DOCK11: variants seen among roughly 807,000 people sequenced by gnomAD.
DOCK11 encodes the protein dedicator of cytokinesis protein 11.
Under a neutral mutation model 169.1 loss-of-function variants are expected in DOCK11, and 70 were observed. The ratio of observed to expected loss-of-function variants is 0.41; its 90% CI spans 0.34 to 0.51. The LOEUF (loss-of-function observed/expected upper bound fraction) is 0.51, where lower values mean the gene tolerates loss of function less well. Ranked by LOEUF, DOCK11 falls within the 20% of genes least tolerant of loss-of-function variation. DOCK11 has a pLI of 0.10. For synonymous variants in DOCK11, 529 were observed against 541.3 expected (o/e 0.98, Z 0.32); for missense variants, 1,166 against 1,538.8 (o/e 0.76, Z 4.05).
intron 34 of DOCK11, 26 bp downstream of exon 34, chrX:118,628,298 C>A: frequency 9.6e-7 from 1 of 1,045,424 alleles, no homozygotes; most frequent in Non-Finnish European, 1.3e-6. Context: ...TATAGGATGA[C>A]CCTAGTGACA....
intron 6 of DOCK11, among the ~76,000 whole-genome samples, chrX:118,559,307 G>C (rs2012827085): frequency 8.9e-6 from 1 of 111,809 alleles, no homozygotes; most frequent in Admixed American, 9.6e-5. Flanking sequence ...TCTCTTTGTT[G>C]CTGGCTGTTG....
At position 118,598,083 on chromosome X, in the gene DOCK11, T is replaced by C; in HGVS notation, c.2439T>C (p.Ile813=). ...WVDGAKPLLK[I]KSHLESTIYT... ...ATGGTGCAAAGCCTTTGTTGAAGAT[T>C]AAAAGCCACTTAGAATCTACCATTT... is the stretch of plus-strand genomic sequence containing the variant. The change falls in exon 22 of 53, where the codon ATT becomes ATC. Residue 813 remains isoleucine, a synonymous_variant. Transcript: ENST00000276202. 1 of 1,197,610 alleles carries C rather than the reference T, an allele frequency of 8.3e-7. No individual in the cohort carries two copies. The highest frequency in any genetic ancestry group is 1.1e-6 in the Non-Finnish European group (1 of 885,889).
At chrX:118,680,385 AAAG>A (rs1179145806) in intron 48 of DOCK11, 94 bp from the exon 49 acceptor site, 2 of 455,872 alleles carry the variant, frequency 4.4e-6, no homozygotes, top group Non-Finnish European at 6.4e-6. Context: ...ACTTGGTCTC[AAAG>A]AAGTTAGTAG....
chrX:118,625,436 G>A lies in DOCK11; in HGVS notation c.3588+781G>A, dbSNP rs183602498. ...CCCCCAAAGTGCTAGGATTACAGGC[G>A]TGAGGCACCACACCTAGCCAACAGA... On this transcript the variant is annotated intron_variant, in intron 32 of 52. Coordinates refer to ENST00000276202, the MANE Select transcript of DOCK11 (RefSeq NM_144658.4). Among the ~76,000 whole-genome samples the A allele has an allele frequency of 7.2e-5, 8 of 111,492 alleles. No homozygotes were observed. In the East Asian group the frequency reaches 8.5e-4, roughly 12 times the overall value.
chrX:118,515,565 C>T (rs1023252132), intron 1 of DOCK11, among the ~76,000 whole-genome samples: 1 of 110,921 alleles, frequency 9.0e-6, no homozygotes, highest in Admixed American at 9.6e-5. Flanking sequence ...ACCCTTTGGC[C>T]ATATATCATT....
intron 46 of DOCK11, 61 bp from the exon 47 acceptor site, chrX:118,675,875 C>A: frequency 1.5e-6 from 1 of 688,545 alleles, no homozygotes; most frequent in Non-Finnish European, 2.1e-6. Flanking sequence ...GTACATTCAT[C>A]TTGAAGACAT....
chrX:118,548,883 A>G (rs978814708), intron 6 of DOCK11, among the ~76,000 whole-genome samples: 1 of 112,216 alleles, frequency 8.9e-6, no homozygotes, highest in African/African-American at 3.2e-5. Flanking sequence ...TTGATTGTTC[A>G]GCTTGTGTGT....
Position 118,495,977 on chromosome X carries a change from C to A in DOCK11, c.6C>A (p.Ala2=). Residue 2 remains alanine, a synonymous_variant, in exon 1 of 53, where the codon GCC becomes GCA. Transcript: ENST00000276202. M[A]EVRKFTKRLS... ...ACCCGCCCGCCGCCGCTGCCATGGC[C>A]GAAGTGCGCAAATTCACCAAACGGC... is the stretch of plus-strand genomic sequence containing the variant. 9.2e-7 allele frequency: 1 copy of A among 1,085,726 alleles called. No homozygotes were observed. Among genetic ancestry groups the A allele is most frequent in the Non-Finnish European group, 1.2e-6 (1 of 836,873 alleles). 89.5% of individuals were successfully genotyped at this position (1,085,726 alleles called of 1,213,427 possible).
chrX:118,599,250 G>C, intron 23 of DOCK11, 22 bp downstream of exon 23: 2 of 1,118,247 alleles, frequency 1.8e-6, no homozygotes, highest in Non-Finnish European at 2.4e-6. Flanking sequence ...GCAGCTTTCT[G>C]CAAAACGTTT....
intron 30 of DOCK11, chrX:118,616,296 T>A: frequency 2.5e-6 from 2 of 791,308 alleles, no homozygotes; most frequent in South Asian, 4.9e-5. Context: ...AACAATTGAT[T>A]TGATGAATTG....
chrX:118,563,225 G>A (rs1261701025), intron 7 of DOCK11, among the ~76,000 whole-genome samples: 1 of 112,055 alleles, frequency 8.9e-6, no homozygotes, highest in Admixed American at 9.5e-5. Context: ...TTTCAGAACT[G>A]TGAAGTGGGA....
In DOCK11 at chrX:118,578,508, A is replaced by T. The variant is rs1435703860; in HGVS notation, c.1390-17A>T. 8.3e-7 allele frequency: 1 copy of T among 1,203,399 alleles called. No homozygotes were observed. The highest frequency in any genetic ancestry group is 3.0e-5 in the East Asian group (1 of 33,435). On this transcript the variant is annotated splice_polypyrimidine_tract_variant and intron_variant, in intron 12 of 52. Transcript: ENST00000276202. ...AAGATTACATAAGAAAGTCTAACGG[A>T]AGTACTTTTTTCCCAGGGAATTTTC...
Position 118,627,524 on chromosome X carries a change from A to G in DOCK11, c.3609A>G (p.Pro1203=). 1.7e-6 allele frequency: 2 copies of G among 1,209,985 alleles called. No individual in the cohort carries two copies. Among genetic ancestry groups the G allele is most frequent in the Non-Finnish European group, 2.2e-6 (2 of 894,137 alleles). The change falls in exon 33 of 53, where the codon CCA becomes CCG. Residue 1203 remains proline (P), a synonymous_variant. Transcript: ENST00000276202. ...MPNSASRDEF[P]CGFTSPANRG... ...TACAGGCATCCAGAGATGAGTTTCCATGTGGCTTTACTTCACCTGCCAATA... is the reference window on the plus strand; with the variant it reads ...TACAGGCATCCAGAGATGAGTTTCCGTGTGGCTTTACTTCACCTGCCAATA...
At chrX:118,671,326 A>G (rs1293811265) in intron 46 of DOCK11, among the ~76,000 whole-genome samples, 181 bp downstream of exon 46, 4 of 112,011 alleles carry the variant, frequency 3.6e-5, no homozygotes, top group Non-Finnish European at 7.5e-5. Flanking sequence ...ACATTTGTCC[A>G]ATTTCAAAGT....
At chrX:118,568,830 A>G (rs1174420194) in intron 10 of DOCK11, among the ~76,000 whole-genome samples, 1 of 111,572 alleles carries the variant, frequency 9.0e-6, no homozygotes, top group Non-Finnish European at 1.9e-5. Flanking sequence ...TACAGTATTT[A>G]AGTATTACAA....
chrX:118,658,145 T>C (rs1465425501), intron 44 of DOCK11, among the ~76,000 whole-genome samples: 1 of 111,646 alleles, frequency 9.0e-6, no homozygotes, highest in Non-Finnish European at 1.9e-5. Flanking sequence ...CAAAGATAAT[T>C]GGGCACCTTT....
In DOCK11 at chrX:118,590,684, G is replaced by A. The variant is rs1341812861; in HGVS notation, c.2139+382G>A. On this transcript the variant is annotated intron_variant, in intron 19 of 52. Transcript: ENST00000276202. ...AAGAGATTTTCAGAATGCCTTTCTA[G>A]CTCTTTCCCCTTATGGTTTTACACA... Among the ~76,000 whole-genome samples, 3 of 111,886 alleles carry A rather than the reference G, an allele frequency of 2.7e-5. No homozygotes were observed. In the East Asian group the frequency reaches 8.4e-4, roughly 31 times the overall value.
intron 1 of DOCK11, among the ~76,000 whole-genome samples, chrX:118,506,663 C>CAA (rs66510006): frequency 5.6e-5 from 6 of 107,181 alleles, no homozygotes; most frequent in Non-Finnish European, 7.7e-5. Flanking sequence ...GAGACTGTCT[C>CAA]AAAAAAAAAA....
chrX:118,612,069 A>G (rs2014697382), intron 28 of DOCK11, among the ~76,000 whole-genome samples: 1 of 112,149 alleles, frequency 8.9e-6, no homozygotes, highest in Non-Finnish European at 1.9e-5. Flanking sequence ...GTGGGTTGCA[A>G]ATGCACCTAG....
Sources: allele counts gnomAD v4.1 joint callset (sites outside exome capture counted in the v4.1 genomes callset), GRCh38; gene constraint gnomAD v4.1.1; transcripts MANE v1.5; gene names NCBI Gene and HGNC (gene_info 2026-07-23, HGNC 2026-07-21).